Variants in NCKAP5 observed in about 807,000 individuals in gnomAD.
NCKAP5 encodes nck-associated protein 5.
A neutral mutation model predicts 167.0 loss-of-function variants in NCKAP5; 92 were observed. The observed-to-expected ratio is 0.55, with a 90% CI of 0.47 to 0.66. NCKAP5 has a LOEUF of 0.66. NCKAP5 is among the 30% of genes least tolerant of loss of function. The probability of loss-of-function intolerance (pLI) is 0.00; values close to 1 mark genes in which losing one functional copy is unlikely to be tolerated. For synonymous variants in NCKAP5, 891 were observed against 877.4 expected, an observed-to-expected ratio of 1.02 and a Z score of -0.27; for missense variants, 2,378 against 2,315.0, an observed-to-expected ratio of 1.03 and a Z score of -0.56.
At chr2:133,222,921 C>T (rs1180282781) in intron 4 of NCKAP5, among the ~76,000 whole-genome samples, 1 of 152,208 alleles carries the variant, frequency 6.6e-6, no homozygotes, top group East Asian at 1.9e-4. Flanking sequence ...CCAGTGAGGT[C>T]ATCACAAATA....
intron 8 of NCKAP5, among the ~76,000 whole-genome samples, chr2:132,956,914 C>A (rs915710590): frequency 6.6e-6 from 1 of 152,210 alleles, no homozygotes; most frequent in Non-Finnish European, 1.5e-5. Flanking sequence ...TCCCCAGGCT[C>A]AGATGCTGGC....
chr2:133,586,627 T>C, the NCKAP5 span, among the ~76,000 whole-genome samples: 4 of 152,274 alleles, frequency 2.6e-5, no homozygotes, highest in African/African-American at 4.8e-5. Context: ...GGCTAGTCCA[T>C]GTCCAATTTG....
chr2:133,050,289 G>T (rs922539109), intron 6 of NCKAP5, among the ~76,000 whole-genome samples: 3 of 152,058 alleles, frequency 2.0e-5, no homozygotes, highest in Non-Finnish European at 4.4e-5. Flanking sequence ...AGAAGATTCA[G>T]TGGGTGGGAA....
chr2:133,020,591 G>A (rs1269129967), intron 6 of NCKAP5, among the ~76,000 whole-genome samples: 1 of 152,202 alleles, frequency 6.6e-6, no homozygotes, highest in African/African-American at 2.4e-5. Flanking sequence ...GCTGGTTGGG[G>A]CACAGGATAA....
chr2:132,858,233 C>T (rs1338614601), intron 11 of NCKAP5, among the ~76,000 whole-genome samples: 1 of 152,138 alleles, frequency 6.6e-6, no homozygotes, highest in Non-Finnish European at 1.5e-5. Flanking sequence ...GGATTTGCTG[C>T]CCCCACCCAC....
At chr2:132,840,276 A>ATTTTTTTTT (rs199908793) in intron 11 of NCKAP5, among the ~76,000 whole-genome samples, 1 of 135,216 alleles carries the variant, frequency 7.4e-6, no homozygotes, top group Non-Finnish European at 1.6e-5. Context: ...ATTGCACAGC[A>ATTTTTTTTT]TTTTTTTTTT....
chr2:133,326,458 C>CAAAAAAAAAAAAAAAAAAAAA (rs34750625), intron 3 of NCKAP5, among the ~76,000 whole-genome samples: 1 of 48,980 alleles, frequency 2.0e-5, no homozygotes, highest in African/African-American at 6.7e-5. Context: ...TCAGTCTCAA[C>CAAAAAAAAAAAAAAAAAAAAA]AAAAAAAAAA....
In NCKAP5 at chr2:133,234,995, G is replaced by T. The variant is rs116284159; in HGVS notation, c.144-21216C>A. On this transcript the variant is annotated intron_variant, in intron 4 of 19. Transcript: ENST00000409261. ...AACCAGGGTCATAAGTCTCGACTGA[G>T]GGACCCCATCCAACTCAGTACATCC... is the stretch of plus-strand genomic sequence containing the variant. Among the ~76,000 whole-genome samples the T allele has an allele frequency of 4.4e-3, 658 of 148,706 alleles. 7 individuals are homozygous for T. The highest frequency in any genetic ancestry group is 0.015 in the African/African-American group (630 of 40,686).
chr2:132,783,344 G>T lies in NCKAP5; in HGVS notation c.3467C>A (p.Ser1156Tyr), dbSNP rs961584411. Residue 1156 changes from serine (S) to tyrosine (Y), a missense_variant, in exon 14 of 20, where the codon TCT becomes TAT. Ser to Tyr is a moderately radical substitution (Grantham distance 144). Coordinates refer to ENST00000409261, the MANE Select transcript of NCKAP5 (RefSeq NM_207363.3). ...LPVGLKVLMK[S>Y]PQLLRKSSTV... ...GGAACTTTTCCTGAGCAGCTGGGGAGACTTCATGAGCACTTTGAGTCCCAC... is the reference window on the plus strand; with the variant it reads ...GGAACTTTTCCTGAGCAGCTGGGGATACTTCATGAGCACTTTGAGTCCCAC... 1 of 1,613,440 alleles carries T rather than the reference G, an allele frequency of 6.2e-7. No individual in the cohort carries two copies. The highest frequency in any genetic ancestry group is 1.3e-5 in the African/African-American group (1 of 74,890).
intron 11 of NCKAP5, among the ~76,000 whole-genome samples, chr2:132,834,412 T>G (rs191110541): frequency 1.2e-3 from 178 of 152,278 alleles, no homozygotes; most frequent in Non-Finnish European, 2.0e-3. Context: ...TGGCGCGATC[T>G]CGGCTCACTG....
At chr2:133,580,709 C>T in the NCKAP5 span, among the ~76,000 whole-genome samples, 338 of 152,288 alleles carry the variant, frequency 2.2e-3, 4 homozygotes, top group African/African-American at 3.4e-3. Flanking sequence ...CCCTAGAAGA[C>T]GCAGTGCACA....
chr2:132,970,618 G>C (rs1449346054), intron 7 of NCKAP5, among the ~76,000 whole-genome samples: 1 of 152,070 alleles, frequency 6.6e-6, no homozygotes, highest in Non-Finnish European at 1.5e-5. Context: ...TGCATCGAAG[G>C]GTTTATATTA....
At chr2:132,983,115 T>G (rs1405490578) in intron 7 of NCKAP5, among the ~76,000 whole-genome samples, 1 of 152,192 alleles carries the variant, frequency 6.6e-6, no homozygotes. Context: ...GCTTGACTGT[T>G]ACTGATGTAT....
At chr2:132,819,950 C>T (rs1015047318) in intron 11 of NCKAP5, among the ~76,000 whole-genome samples, 6 of 152,150 alleles carry the variant, frequency 3.9e-5, no homozygotes, top group African/African-American at 1.4e-4. Context: ...CTGTAAAATT[C>T]TCAGTGTAGG....
intron 4 of NCKAP5, among the ~76,000 whole-genome samples, chr2:133,272,313 G>A: frequency 6.6e-6 from 1 of 152,060 alleles, no homozygotes; most frequent in East Asian, 1.9e-4. Context: ...ATAAAACAAA[G>A]TCTGGTTATA....
At chr2:132,683,557 T>A (rs752217748) in intron 19 of NCKAP5, among the ~76,000 whole-genome samples, 13 of 152,306 alleles carry the variant, frequency 8.5e-5, no homozygotes, top group Non-Finnish European at 1.5e-4. Flanking sequence ...GAAATCCAGG[T>A]GCAATAGCCA....
intron 19 of NCKAP5, among the ~76,000 whole-genome samples, chr2:132,682,294 T>C (rs1309088309): frequency 6.6e-6 from 1 of 152,160 alleles, no homozygotes; most frequent in Non-Finnish European, 1.5e-5. Flanking sequence ...TCTGCTTCCG[T>C]TCCAGATTCC....
At chr2:133,229,217 A>C (rs1043485409) in intron 4 of NCKAP5, among the ~76,000 whole-genome samples, 1 of 152,260 alleles carries the variant, frequency 6.6e-6, no homozygotes, top group Non-Finnish European at 1.5e-5. Flanking sequence ...AAATTCTGTC[A>C]AAACAGGCTA....
chr2:132,873,501 A>G (rs567142861), intron 9 of NCKAP5, among the ~76,000 whole-genome samples: 6 of 152,234 alleles, frequency 3.9e-5, no homozygotes, highest in Non-Finnish European at 8.8e-5. Flanking sequence ...GTGTGTCCAC[A>G]TAATATACAT....
Sources: allele counts gnomAD v4.1 joint callset (sites outside exome capture counted in the v4.1 genomes callset), GRCh38; gene constraint gnomAD v4.1.1; transcripts MANE v1.5; gene names NCBI Gene and HGNC (gene_info 2026-07-23, HGNC 2026-07-21).